The following KCMF1 variants were observed in gnomAD, a reference collection of about 807,000 sequenced individuals.
The protein encoded by KCMF1 is E3 ubiquitin-protein ligase KCMF1.
Under a neutral mutation model 41.1 loss-of-function variants are expected in KCMF1, and 3 were observed. The observed-to-expected ratio is 0.07, with a 90% CI of 0.03 to 0.19. The LOEUF (loss-of-function observed/expected upper bound fraction) is 0.19, where lower values mean the gene tolerates loss of function less well. KCMF1 is among the 10% of genes least tolerant of loss of function. KCMF1 has a pLI of 1.00. For synonymous variants in KCMF1, 142 were observed against 164.5 expected, an observed-to-expected ratio of 0.86 and a Z score of 1.04; for missense variants, 286 against 488.9, an observed-to-expected ratio of 0.58 and a Z score of 3.91.
At chr2:84,993,826 T>A (rs1674106090) in intron 1 of KCMF1, among the ~76,000 whole-genome samples, 1 of 152,098 alleles carries the variant, frequency 6.6e-6, no homozygotes. Context: ...CCCGCCCACC[T>A]TGGCCTCCCA....
At chr2:84,978,028 G>A (rs888240227) in intron 1 of KCMF1, among the ~76,000 whole-genome samples, 3 of 145,912 alleles carry the variant, frequency 2.1e-5, no homozygotes, top group Non-Finnish European at 3.0e-5. Context: ...TTCTTTCCTC[G>A]CTCTTGTTGC....
rs1574048768 is a variant in KCMF1, at chr2:85,057,525, A to G, written c.*4116A>G. The G allele has an allele frequency of 6.6e-6, 1 of 152,256 alleles. No homozygotes were observed. The highest frequency in any genetic ancestry group is 1.5e-5 in the Non-Finnish European group (1 of 68,074). 9.4% of individuals were successfully genotyped at this position (152,256 alleles called of 1,614,324 possible). ...GTCATGAAATTCTGTGCTATTAAAC[A>G]TGGCTATGTCTGAGTCAGTCATTAC... On this transcript the variant is annotated 3_prime_UTR_variant, in exon 7 of 7. Transcript: ENST00000409785.
chr2:85,017,772 TA>T (rs1674816256), intron 1 of KCMF1, among the ~76,000 whole-genome samples: 1 of 152,178 alleles, frequency 6.6e-6, no homozygotes, highest in Non-Finnish European at 1.5e-5. Context: ...CTAATTTTAT[TA>T]AAAAGTAAAA....
rs1406616319 is a variant in KCMF1, at chr2:85,055,757, C to T, written c.*2348C>T. 6.6e-6 allele frequency: 1 copy of T among 152,030 alleles called. No individual in the cohort carries two copies. Among genetic ancestry groups the T allele is most frequent in the Non-Finnish European group, 1.5e-5 (1 of 67,980 alleles). 9.4% of individuals were successfully genotyped at this position (152,030 alleles called of 1,614,324 possible). A position where few individuals can be genotyped will look rare whatever the true frequency, so the allele number is the denominator to read the frequency against. ...AATGAAAATCTTATTACTGGATGTA[C>T]TATTGAATAAAAATTAATTGCAAAG... is the stretch of plus-strand genomic sequence containing the variant. On this transcript the variant is annotated 3_prime_UTR_variant, in exon 7 of 7. Coordinates refer to ENST00000409785, the MANE Select transcript of KCMF1 (RefSeq NM_020122.5).
intron 4 of KCMF1, 27 bp from the exon 5 acceptor site, chr2:85,046,077 T>G: frequency 6.3e-7 from 1 of 1,578,664 alleles, no homozygotes; most frequent in South Asian, 1.2e-5. Flanking sequence ...TGAAATACTT[T>G]CGTTTTTTTC....
chr2:85,046,887 T>A (rs1430730834), intron 5 of KCMF1, among the ~76,000 whole-genome samples: 1 of 152,150 alleles, frequency 6.6e-6, no homozygotes, highest in East Asian at 1.9e-4. Flanking sequence ...TACAGGACAA[T>A]AAGATACTTA....
chr2:85,006,865 T>TA (rs1321622244), intron 1 of KCMF1, among the ~76,000 whole-genome samples: 2 of 151,754 alleles, frequency 1.3e-5, no homozygotes, highest in Non-Finnish European at 2.9e-5. Context: ...TCCCAGCACT[T>TA]ACGGAGGCCA....
chr2:85,028,513 G>A (rs904047782), intron 2 of KCMF1, among the ~76,000 whole-genome samples: 1 of 103,722 alleles, frequency 9.6e-6, no homozygotes, highest in Non-Finnish European at 1.9e-5. Context: ...TTTTTTTTGA[G>A]GAGTCTTACC....
chr2:84,981,617 T>C (rs758608125), intron 1 of KCMF1, among the ~76,000 whole-genome samples: 1 of 152,206 alleles, frequency 6.6e-6, no homozygotes, highest in Non-Finnish European at 1.5e-5. Flanking sequence ...ACTAGGTTGA[T>C]GAGTTGACTT....
chr2:85,008,279 TATG>T (rs1389633969), intron 1 of KCMF1, among the ~76,000 whole-genome samples: 49 of 104,588 alleles, frequency 4.7e-4, no homozygotes, highest in African/African-American at 1.5e-3. Flanking sequence ...TAATATATAA[TATG>T]ATATATAATA....
intron 1 of KCMF1, among the ~76,000 whole-genome samples, chr2:85,008,354 A>ATCATATATAATATATG: frequency 1.8e-5 from 1 of 56,464 alleles, no homozygotes; most frequent in South Asian, 4.4e-4. Context: ...TATAATATAT[A>ATCATATATAATATATG]ATATATATTA....
rs1267035658 is a variant in KCMF1, at chr2:85,057,350, G to A, written c.*3941G>A. The A allele has an allele frequency of 6.6e-6, 1 of 152,212 alleles. No homozygotes were observed. The highest frequency in any genetic ancestry group is 1.5e-5 in the Non-Finnish European group (1 of 68,076). 9.4% of individuals were successfully genotyped at this position (152,212 alleles called of 1,614,324 possible). On this transcript the variant is annotated 3_prime_UTR_variant, in exon 7 of 7. Coordinates refer to ENST00000409785, the MANE Select transcript of KCMF1 (RefSeq NM_020122.5). Reference sequence around the variant, plus strand: ...GGAAGTGGGATGGGGGTGGGCAGGTGGAAGGGAAGAGGCTGGGGAGGAGCC... The same window carrying A: ...GGAAGTGGGATGGGGGTGGGCAGGTAGAAGGGAAGAGGCTGGGGAGGAGCC...
chr2:85,024,942 C>G (rs1475473158), intron 1 of KCMF1, among the ~76,000 whole-genome samples: 2 of 152,132 alleles, frequency 1.3e-5, no homozygotes, highest in Non-Finnish European at 2.9e-5. Flanking sequence ...TACCCTGGTG[C>G]CATTCCATCT....
chr2:84,992,103 T>C (rs938543234), intron 1 of KCMF1, among the ~76,000 whole-genome samples: 1 of 152,208 alleles, frequency 6.6e-6, no homozygotes, highest in African/African-American at 2.4e-5. Context: ...GCCTGGTCAC[T>C]TACTGTGACC....
chr2:85,008,574 A>C (rs866833356), intron 1 of KCMF1, among the ~76,000 whole-genome samples: 1 of 151,168 alleles, frequency 6.6e-6, no homozygotes, highest in South Asian at 2.1e-4. Context: ...AGGTGAAAAC[A>C]TGGGACTAAA....
chr2:85,009,308 C>T (rs893628577), intron 1 of KCMF1, among the ~76,000 whole-genome samples: 1 of 152,114 alleles, frequency 6.6e-6, no homozygotes, highest in Non-Finnish European at 1.5e-5. Context: ...TTCCTGAGGC[C>T]TCCCAGTCAT....
At position 84,971,389 on chromosome 2, in the gene KCMF1, A is replaced by G; in HGVS notation, c.-63A>G. On this transcript the variant is annotated 5_prime_UTR_variant, in exon 1 of 7. Coordinates refer to ENST00000409785, the MANE Select transcript of KCMF1 (RefSeq NM_020122.5). ...GCCGGCCGGCGCGGGCAGCGCCGGG[A>G]CCCCGCGGGGGACACTGCAGCCGGA... 9.8e-7 allele frequency: 1 copy of G among 1,022,742 alleles called. No homozygotes were observed. 63.4% of individuals were successfully genotyped at this position (1,022,742 alleles called of 1,614,324 possible).
chr2:85,038,458 A>T (rs1240676454), intron 3 of KCMF1, among the ~76,000 whole-genome samples: 1 of 152,204 alleles, frequency 6.6e-6, no homozygotes, highest in Admixed American at 6.5e-5. Context: ...TATATTCTCC[A>T]AGCAAAACTT....
chr2:84,984,282 G>A (rs78060911), intron 1 of KCMF1, among the ~76,000 whole-genome samples: 12,099 of 151,944 alleles, frequency 0.08, 771 homozygotes, highest in East Asian at 0.34. Flanking sequence ...TATATTTTTT[G>A]TAGGGATGGG....
Sources: gnomAD v4.1 joint callset for allele counts (sites outside exome capture counted in the v4.1 genomes callset) on GRCh38, gnomAD v4.1.1 for gene constraint, MANE v1.5 for transcripts, NCBI Gene and HGNC (gene_info 2026-07-23, HGNC 2026-07-21) for gene names.